The following TRPM3 variants were observed in gnomAD, a reference collection of about 807,000 sequenced individuals.
TRPM3 encodes transient receptor potential cation channel subfamily M member 3.
In TRPM3, 77 loss-of-function variants were observed where a neutral mutation model predicts 181.2. That is an observed-to-expected ratio of 0.42 (90% CI 0.35 to 0.51). The LOEUF is 0.51. TRPM3 is among the 20% of genes least tolerant of loss of function. TRPM3 has a pLI of 0.01. For synonymous variants in TRPM3, 745 were observed against 796.4 expected, an observed-to-expected ratio of 0.94 and a Z score of 1.09; for missense variants, 1,759 against 2,196.7, an observed-to-expected ratio of 0.80 and a Z score of 3.98.
Position 70,635,333 on chromosome 9 carries a change from A to G in TRPM3, c.1582-72T>C, listed in dbSNP as rs1322537872. ...CTGGTTGGCAAGACAAGAAGGATCTAGAAGGAAGGGTGCTGGCTGGTGGAG... is the reference window on the plus strand; with the variant it reads ...CTGGTTGGCAAGACAAGAAGGATCTGGAAGGAAGGGTGCTGGCTGGTGGAG... On this transcript the variant is annotated intron_variant, in intron 11 of 25. Coordinates refer to ENST00000677713, the MANE Select transcript of TRPM3 (RefSeq NM_001366145.2). 5 of 1,390,108 alleles carry G rather than the reference A, an allele frequency of 3.6e-6. No individual in the cohort carries two copies. In the African/African-American group the frequency reaches 7.1e-5, roughly 20 times the overall value. 86.1% of individuals were successfully genotyped at this position (1,390,108 alleles called of 1,614,324 possible). A position where few individuals can be genotyped will look rare whatever the true frequency, so the allele number is the denominator to read the frequency against.
rs1272890749 is a variant in TRPM3, at chr9:71,352,573, C to A, written c.183+94080G>T. On this transcript the variant is annotated intron_variant, in intron 1 of 24. Transcript: ENST00000357533. The stretch of plus-strand genomic sequence containing the variant: ...CAGAATACTAACAGGCACTTGGTCA[C>A]ATGGTTCACATGCAAAAGAAAGCAC... 4.6e-5 allele frequency among the ~76,000 whole-genome samples: 7 copies of A among 152,296 alleles called. No homozygotes were observed. In the South Asian group the frequency reaches 1.2e-3, roughly 27 times the overall value.
intron 1 of TRPM3, among the ~76,000 whole-genome samples, chr9:70,930,295 C>A (rs2096762839): frequency 6.6e-6 from 1 of 152,128 alleles, no homozygotes; most frequent in African/African-American, 2.4e-5. Context: ...TTATCTTTTT[C>A]ACAATAGTAA....
At chr9:70,788,852 C>T (rs942144590) in intron 6 of TRPM3, among the ~76,000 whole-genome samples, 3 of 152,090 alleles carry the variant, frequency 2.0e-5, no homozygotes, top group African/African-American at 7.2e-5. Context: ...GGCTCACGCT[C>T]CTATGCAGCT....
Position 71,098,716 on chromosome 9 carries a change from T to C in TRPM3, c.177+22462A>G, listed in dbSNP as rs543478067. 3.9e-5 allele frequency among the ~76,000 whole-genome samples: 6 copies of C among 152,170 alleles called. No individual in the cohort carries two copies. The South Asian group carries it at 1.2e-3, about 32-fold the overall frequency. On this transcript the variant is annotated intron_variant, in intron 1 of 25. Transcript: ENST00000677713. ...CACTGGCCTGGAAGTGGTAAATGTA[T>C]GGATATAATTGTAGCATAATTCTCT...
Position 70,657,757 on chromosome 9 carries a change from T to G in TRPM3, c.1346-17097A>C, listed in dbSNP as rs561941018. Among the ~76,000 whole-genome samples the G allele has an allele frequency of 2.6e-5, 4 of 152,272 alleles. No individual in the cohort carries two copies. In the East Asian group the frequency reaches 7.7e-4, roughly 29 times the overall value. ...AAGGACAGCAATTCCTGCTAAATCT[T>G]AAACACTGACAGCAATTAATCTCAC... is the stretch of plus-strand genomic sequence containing the variant. On this transcript the variant is annotated intron_variant, in intron 9 of 25. Coordinates refer to ENST00000677713, the MANE Select transcript of TRPM3 (RefSeq NM_001366145.2).
intron 22 of TRPM3, among the ~76,000 whole-genome samples, chr9:70,564,182 C>T (rs534136351): frequency 6.5e-4 from 99 of 152,136 alleles, no homozygotes; most frequent in Non-Finnish European, 1.2e-3. Context: ...TTACACCTTC[C>T]TTTTGATATT....
At chr9:70,834,167 C>T (rs1308072654) in intron 5 of TRPM3, among the ~76,000 whole-genome samples, 1 of 152,196 alleles carries the variant, frequency 6.6e-6, no homozygotes, top group African/African-American at 2.4e-5. Flanking sequence ...GACCAGCAAA[C>T]CCAGGGATCC....
At chr9:70,578,095 G>A (rs1443842447) in intron 22 of TRPM3, among the ~76,000 whole-genome samples, 2 of 152,176 alleles carry the variant, frequency 1.3e-5, no homozygotes, top group Non-Finnish European at 2.9e-5. Context: ...CCCAGTGAAT[G>A]TTTAAAACTG....
At chr9:70,918,765 G>T (rs1589771626) in intron 1 of TRPM3, among the ~76,000 whole-genome samples, 1 of 152,160 alleles carries the variant, frequency 6.6e-6, no homozygotes, top group South Asian at 2.1e-4. Flanking sequence ...AAATAATAAA[G>T]ATCAGAGCAG....
At chr9:70,609,785 C>T (rs915940290) in intron 19 of TRPM3, among the ~76,000 whole-genome samples, 1 of 152,230 alleles carries the variant, frequency 6.6e-6, no homozygotes, top group Non-Finnish European at 1.5e-5. Flanking sequence ...GTTGCTGACT[C>T]AAATGACTGC....
chr9:70,604,550 G>A (rs1269609304), intron 19 of TRPM3, among the ~76,000 whole-genome samples: 1 of 152,186 alleles, frequency 6.6e-6, no homozygotes, highest in African/African-American at 2.4e-5. Flanking sequence ...GGCCTTGAGG[G>A]GTCTGGAGGT....
chr9:70,739,859 C>G (rs1027622696), intron 8 of TRPM3, among the ~76,000 whole-genome samples: 3 of 152,136 alleles, frequency 2.0e-5, no homozygotes, highest in Admixed American at 2.0e-4. Flanking sequence ...CTCAAGTGAT[C>G]TGCCCGTCTT....
At position 70,674,537 on chromosome 9, in the gene TRPM3, A is replaced by G. The variant is rs116003214; in HGVS notation, c.1345+6969T>C. 2.1e-3 allele frequency among the ~76,000 whole-genome samples: 325 copies of G among 152,180 alleles called. 1 individual carries two copies. The highest frequency in any genetic ancestry group is 7.6e-3 in the African/African-American group (315 of 41,542). ...TAGAGTTGGGAGACATGCATTCAGA[A>G]GTCATTTCAAAACATTATATATATA... On this transcript the variant is annotated intron_variant, in intron 9 of 25. Coordinates refer to ENST00000677713, the MANE Select transcript of TRPM3 (RefSeq NM_001366145.2).
At chr9:71,124,635 T>G (rs143020543), upstream of TRPM3, among the ~76,000 whole-genome samples, 7 of 152,278 alleles carry the variant, frequency 4.6e-5, no homozygotes, top group Admixed American at 2.0e-4. Flanking sequence ...CATGATGAAA[T>G]TTGAGCTCAT....
At chr9:70,624,365 A>G (rs1268889960) in intron 14 of TRPM3, among the ~76,000 whole-genome samples, 1 of 152,166 alleles carries the variant, frequency 6.6e-6, no homozygotes, top group Non-Finnish European at 1.5e-5. Context: ...GCACTATAAT[A>G]GTATAATACA....
chr9:70,976,449 G>A (rs1328837471), intron 1 of TRPM3, among the ~76,000 whole-genome samples: 1 of 152,208 alleles, frequency 6.6e-6, no homozygotes, highest in Non-Finnish European at 1.5e-5. Context: ...GTAAAGAGAT[G>A]CAAAAGAATC....
intron 1 of TRPM3, among the ~76,000 whole-genome samples, chr9:71,049,094 G>A (rs2059781613): frequency 6.6e-6 from 1 of 152,146 alleles, no homozygotes; most frequent in African/African-American, 2.4e-5. Flanking sequence ...AGAGAAGGCT[G>A]AGGACCCTCA....
chr9:71,228,435 C>T (rs1048147329), intron 1 of TRPM3, among the ~76,000 whole-genome samples: 11 of 152,146 alleles, frequency 7.2e-5, no homozygotes, highest in East Asian at 3.9e-4. Flanking sequence ...TGTCCACTTT[C>T]ACCACTGTTA....
intron 1 of TRPM3, among the ~76,000 whole-genome samples, chr9:71,275,162 T>G (rs2084097453): frequency 6.6e-6 from 1 of 152,226 alleles, no homozygotes; most frequent in Admixed American, 6.5e-5. Flanking sequence ...AAAAAGAATC[T>G]TCCAACGAAT....
Sources: gnomAD v4.1 joint callset for allele counts (sites outside exome capture counted in the v4.1 genomes callset) on GRCh38, gnomAD v4.1.1 for gene constraint, MANE v1.5 for transcripts, NCBI Gene and HGNC (gene_info 2026-07-23, HGNC 2026-07-21) for gene names.